The following NBAS variants were observed in gnomAD, a reference collection of about 807,000 sequenced individuals.
NBAS encodes the protein NAG/BC035112 fusion.
A neutral mutation model predicts 302.5 loss-of-function variants in NBAS; 219 were observed. The observed-to-expected ratio is 0.72, with a 90% CI of 0.65 to 0.81. NBAS has a LOEUF of 0.81. Ranked by LOEUF, NBAS falls within the 30% of genes least tolerant of loss-of-function variation. The pLI is 0.00. For synonymous variants in NBAS, 1,118 were observed against 1,021.6 expected (o/e 1.09, Z -1.80); for missense variants, 2,932 against 2,841.6 (o/e 1.03, Z -0.72).
the NBAS span, among the ~76,000 whole-genome samples, chr2:15,148,287 G>A: frequency 6.6e-6 from 1 of 152,080 alleles, no homozygotes; most frequent in African/African-American, 2.4e-5. Flanking sequence ...TCAGACCCAG[G>A]CCCTGCCACC....
the NBAS span, among the ~76,000 whole-genome samples, chr2:14,807,924 C>T: frequency 2.4e-3 from 365 of 152,290 alleles, no homozygotes; most frequent in African/African-American, 8.0e-3. Context: ...CTCTCTCTCT[C>T]TCTCACACAC....
At chr2:15,323,740 T>C (rs947328269) in intron 38 of NBAS, among the ~76,000 whole-genome samples, 1 of 151,522 alleles carries the variant, frequency 6.6e-6, no homozygotes, top group Non-Finnish European at 1.5e-5. Context: ...GAGGCAGTGG[T>C]GGGAGGGTCA....
the NBAS span, among the ~76,000 whole-genome samples, chr2:14,908,668 A>G: frequency 6.6e-6 from 1 of 152,200 alleles, no homozygotes; most frequent in Non-Finnish European, 1.5e-5. Context: ...TCATGGCTTG[A>G]TTTCCGTGCT....
At chr2:15,287,359 TTTTTCAC>T (rs1670092074) in intron 41 of NBAS, among the ~76,000 whole-genome samples, 176 bp from the exon 42 acceptor site, 1 of 152,200 alleles carries the variant, frequency 6.6e-6, no homozygotes, top group African/African-American at 2.4e-5. Flanking sequence ...TGTAATGCTC[TTTTTCAC>T]TGTGGTGTAT....
chr2:15,358,649 G>C (rs977736970), intron 32 of NBAS, among the ~76,000 whole-genome samples: 1 of 152,008 alleles, frequency 6.6e-6, no homozygotes, highest in African/African-American at 2.4e-5. Context: ...CTTGCTATAT[G>C]ACCCAGGCCA....
chr2:15,385,313 T>C (rs931142703), intron 28 of NBAS, among the ~76,000 whole-genome samples: 1 of 152,196 alleles, frequency 6.6e-6, no homozygotes, highest in Admixed American at 6.5e-5. Context: ...AGTGTCCATC[T>C]TGCACACACT....
At chr2:14,976,530 C>A in the NBAS span, among the ~76,000 whole-genome samples, 10,347 of 152,216 alleles carry the variant, frequency 0.068, 903 homozygotes, top group African/African-American at 0.19. Context: ...GGGAGTAGTA[C>A]CACTCTATCT....
At chr2:14,842,826 A>G in the NBAS span, among the ~76,000 whole-genome samples, 1 of 150,676 alleles carries the variant, frequency 6.6e-6, no homozygotes, top group South Asian at 2.1e-4. Flanking sequence ...CATTTTCCTG[A>G]TATCAAAAGC....
the NBAS span, among the ~76,000 whole-genome samples, chr2:14,866,452 T>C: frequency 2.0e-5 from 3 of 152,156 alleles, no homozygotes; most frequent in Admixed American, 6.6e-5. Flanking sequence ...AAGTCTAGAA[T>C]ATACTACAAG....
At chr2:14,864,248 TAGG>T in the NBAS span, among the ~76,000 whole-genome samples, 1 of 144,178 alleles carries the variant, frequency 6.9e-6, no homozygotes, top group Non-Finnish European at 1.5e-5. Context: ...ACCCAGGAGG[TAGG>T]AGGAGGTTGT....
intron 47 of NBAS, among the ~76,000 whole-genome samples, chr2:15,227,432 A>G (rs1211023780): frequency 6.6e-6 from 1 of 152,146 alleles, no homozygotes; most frequent in East Asian, 1.9e-4. Flanking sequence ...ACCCAAAGTG[A>G]TTTACAGATT....
At chr2:14,918,071 G>A in the NBAS span, among the ~76,000 whole-genome samples, 1 of 152,100 alleles carries the variant, frequency 6.6e-6, no homozygotes, top group Non-Finnish European at 1.5e-5. Context: ...CAGTCTTTGT[G>A]AGCTTGTGAA....
At chr2:15,520,678 T>C (rs951571445) in intron 9 of NBAS, among the ~76,000 whole-genome samples, 1 of 152,122 alleles carries the variant, frequency 6.6e-6, no homozygotes, top group African/African-American at 2.4e-5. Context: ...TCTTTCTTTA[T>C]AAACACAGAA....
chr2:14,907,077 T>C, the NBAS span, among the ~76,000 whole-genome samples: 1 of 152,164 alleles, frequency 6.6e-6, no homozygotes. Context: ...CCCAATGCAT[T>C]TGCTTCCTGC....
At chr2:15,292,956 A>G (rs1051991054) in intron 40 of NBAS, among the ~76,000 whole-genome samples, 190 bp from the exon 41 acceptor site, 6 of 152,180 alleles carry the variant, frequency 3.9e-5, no homozygotes, top group African/African-American at 1.4e-4. Context: ...AGCAGACCAC[A>G]AAGACAGGAC....
the NBAS span, among the ~76,000 whole-genome samples, chr2:14,927,793 G>A: frequency 2.6e-5 from 4 of 152,126 alleles, no homozygotes; most frequent in Admixed American, 6.5e-5. Context: ...GCATTTCCCC[G>A]ATGACTGGTG....
At chr2:14,911,419 A>T in the NBAS span, among the ~76,000 whole-genome samples, 6 of 152,216 alleles carry the variant, frequency 3.9e-5, no homozygotes, top group Admixed American at 2.6e-4. Context: ...GCATGAATAC[A>T]TCCTGGACGC....
At chr2:15,391,868 C>A (rs1326645330) in intron 28 of NBAS, among the ~76,000 whole-genome samples, 1 of 149,570 alleles carries the variant, frequency 6.7e-6, no homozygotes, top group African/African-American at 2.5e-5. Flanking sequence ...AATTTCTGTA[C>A]CGTAGCATAC....
the NBAS span, among the ~76,000 whole-genome samples, chr2:14,864,320 C>CAAAAA: frequency 2.9e-5 from 2 of 67,968 alleles, no homozygotes; most frequent in African/African-American, 4.7e-5. Context: ...GGCTCCATCT[C>CAAAAA]AAAAAAAAAA....
Sources: allele counts gnomAD v4.1 joint callset (sites outside exome capture counted in the v4.1 genomes callset), GRCh38; gene constraint gnomAD v4.1.1; transcripts MANE v1.5; gene names NCBI Gene and HGNC (gene_info 2026-07-23, HGNC 2026-07-21).